Variants in CACUL1 observed in about 807,000 individuals in gnomAD.
CACUL1 encodes the protein CDK2 associated cullin domain 1, also known as CDK2-associated and cullin domain-containing protein 1.
In CACUL1, 13 loss-of-function variants were observed where a neutral mutation model predicts 45.2. The observed-to-expected ratio is 0.29, with a 90% CI of 0.19 to 0.46. CACUL1 has a LOEUF of 0.46. Ranked by LOEUF, CACUL1 falls within the 20% of genes least tolerant of loss-of-function variation. The pLI is 1.00. For missense variants in CACUL1, 421 were observed against 471.4 expected (o/e 0.89, Z 0.99); for synonymous variants, 197 against 174.2 (o/e 1.13, Z -1.03).
At chr10:118,753,256 T>C (rs974450021) in intron 1 of CACUL1, among the ~76,000 whole-genome samples, 1 of 152,260 alleles carries the variant, frequency 6.6e-6, no homozygotes, top group Non-Finnish European at 1.5e-5. Flanking sequence ...TACATATCAA[T>C]GTCTTTGACT....
intron 1 of CACUL1, among the ~76,000 whole-genome samples, chr10:118,740,936 A>T (rs187443007): frequency 1.3e-5 from 2 of 152,088 alleles, no homozygotes; most frequent in Non-Finnish European, 2.9e-5. Flanking sequence ...AAAAAAAAAA[A>T]AAACAAACAA....
chr10:118,695,402 A>G (rs1409799161), intron 5 of CACUL1, among the ~76,000 whole-genome samples, 172 bp from the exon 6 acceptor site: 10 of 152,226 alleles, frequency 6.6e-5, no homozygotes, highest in African/African-American at 2.4e-4. Context: ...AATCCACTGC[A>G]GTAGCTAAAA....
chr10:118,729,349 A>T lies in CACUL1; in HGVS notation c.543T>A (p.Ser181Arg). ...GATTAGTTATCTTTTTAATCAGATC[A>T]CTATACATCTGTTCCGAGTGCTGCT... ...VCQQHSEQMY[S>R]DLIKKITNHL... The change falls in exon 3 of 9, where the codon AGT becomes AGA. Residue 181 changes from serine (S) to arginine (R), a missense_variant. Physicochemically the swap from Ser to Arg is moderately radical, Grantham distance 110. Transcript: ENST00000369151. 6.2e-7 allele frequency: 1 copy of T among 1,613,058 alleles called. No homozygotes were observed. The highest frequency in any genetic ancestry group is 8.5e-7 in the Non-Finnish European group (1 of 1,179,874).
chr10:118,700,716 C>CAAAAAAAAAAAAAAAAAAAAAA (rs59032746), intron 5 of CACUL1, among the ~76,000 whole-genome samples: 17 of 132,916 alleles, frequency 1.3e-4, no homozygotes, highest in African/African-American at 5.4e-4. Context: ...GACTCCGTCT[C>CAAAAAAAAAAAAAAAAAAAAAA]AAAAAAAAAA....
intron 1 of CACUL1, among the ~76,000 whole-genome samples, chr10:118,737,786 C>G (rs993932221): frequency 1.3e-5 from 2 of 151,498 alleles, no homozygotes; most frequent in African/African-American, 4.9e-5. Context: ...TCTACCATTA[C>G]AACATCACAT....
chr10:118,689,253 C>T (rs1241343328), intron 7 of CACUL1, among the ~76,000 whole-genome samples: 1 of 152,136 alleles, frequency 6.6e-6, no homozygotes, highest in Non-Finnish European at 1.5e-5. Flanking sequence ...ATCACAGCTG[C>T]CAAAGGTGGC....
At chr10:118,753,142 A>G (rs1463239829) in intron 1 of CACUL1, among the ~76,000 whole-genome samples, 5 of 152,316 alleles carry the variant, frequency 3.3e-5, no homozygotes, top group Non-Finnish European at 5.9e-5. Context: ...CTGCCACTCT[A>G]CAGGAGGTCT....
intron 2 of CACUL1, 42 bp from the exon 3 acceptor site, chr10:118,729,439 A>T: frequency 7.1e-7 from 1 of 1,400,848 alleles, no homozygotes; most frequent in Non-Finnish European, 1.0e-6. Context: ...AGTTAATCAT[A>T]AAGCACTTAA....
Position 118,677,903 on chromosome 10 carries a change from CATTAG to C in CACUL1, c.*8220_*8224del, listed in dbSNP as rs1372045010. The C allele has an allele frequency of 1.3e-5, 2 of 152,202 alleles. No individual in the cohort carries two copies. Among genetic ancestry groups the C allele is most frequent in the African/African-American group, 4.8e-5 (2 of 41,450 alleles). The allele number at this position is 152,202 out of a possible 1,614,324, so 9.4% of individuals were successfully genotyped here. A position where few individuals can be genotyped will look rare whatever the true frequency, so the allele number is the denominator to read the frequency against. Reference sequence around the variant, plus strand: ...ATTAAGAGGTGCCTATGCTCAATTTCATTAGATAATACTGTTCTCCAAAGTAGAAG... The same window carrying C: ...ATTAAGAGGTGCCTATGCTCAATTTCATAATACTGTTCTCCAAAGTAGAAG... On this transcript the variant is annotated 3_prime_UTR_variant, in exon 9 of 9. Coordinates refer to ENST00000369151, the MANE Select transcript of CACUL1 (RefSeq NM_153810.5).
chr10:118,714,893 T>A (rs1845527102), intron 3 of CACUL1, among the ~76,000 whole-genome samples: 1 of 152,228 alleles, frequency 6.6e-6, no homozygotes, highest in Non-Finnish European at 1.5e-5. Flanking sequence ...CATCATTACT[T>A]ACAGACCCCC....
rs1327253654 is a variant in CACUL1 at position 118,683,827 on chromosome 10, AT to A, written c.*2300del. 3 of 152,202 alleles carry A rather than the reference AT, an allele frequency of 2.0e-5. No individual in the cohort carries two copies. Among genetic ancestry groups the A allele is most frequent in the African/African-American group, 7.2e-5 (3 of 41,460 alleles). The allele number at this position is 152,202 out of a possible 1,614,324, so 9.4% of individuals were successfully genotyped here. On this transcript the variant is annotated 3_prime_UTR_variant, in exon 9 of 9. Transcript: ENST00000369151. ...TCAGAATTTTTTAGAATCCCAATAA[AT>A]AAGCAAAGTCTATTTCAACTTAAAC...
At chr10:118,740,429 G>A (rs1242660200) in intron 1 of CACUL1, among the ~76,000 whole-genome samples, 1 of 151,900 alleles carries the variant, frequency 6.6e-6, no homozygotes, top group East Asian at 1.9e-4. Context: ...GGTCAACATG[G>A]CAAAACCCCA....
intron 6 of CACUL1, among the ~76,000 whole-genome samples, chr10:118,691,866 C>CAAAAA (rs754241223): frequency 0.014 from 1,303 of 95,286 alleles, 76 homozygotes; most frequent in African/African-American, 0.061. Context: ...GACTCCGTCT[C>CAAAAA]AAAAAAAAAA....
Position 118,686,005 on chromosome 10 carries a change from C to T in CACUL1, c.*123G>A. On this transcript the variant is annotated 3_prime_UTR_variant, in exon 9 of 9. Transcript: ENST00000369151. ...AACCAAGTAAGAAGTCCAACATCCT[C>T]TTCCATGAACAGCTTTGTGACAGAG... 1.9e-6 allele frequency: 1 copy of T among 540,188 alleles called. No individual in the cohort carries two copies. The allele number at this position is 540,188 out of a possible 1,614,324, so 33.5% of individuals were successfully genotyped here. A position where few individuals can be genotyped will look rare whatever the true frequency, so the allele number is the denominator to read the frequency against.
intron 1 of CACUL1, among the ~76,000 whole-genome samples, chr10:118,734,338 C>T (rs55963552): frequency 0.036 from 5,490 of 152,248 alleles, 147 homozygotes; most frequent in African/African-American, 0.066. Context: ...AGAGTATATA[C>T]AGACTTCCAA....
chr10:118,716,743 C>CA (rs1350192722), intron 3 of CACUL1, among the ~76,000 whole-genome samples: 1 of 151,986 alleles, frequency 6.6e-6, no homozygotes, highest in Non-Finnish European at 1.5e-5. Flanking sequence ...ACTGGGACTA[C>CA]AGGCACCCGC....
At chr10:118,731,827 T>C (rs1371074706) in intron 1 of CACUL1, among the ~76,000 whole-genome samples, 1 of 152,188 alleles carries the variant, frequency 6.6e-6, no homozygotes, top group East Asian at 1.9e-4. Flanking sequence ...ATCAAATTAC[T>C]ATGTAAATTT....
chr10:118,701,321 T>C lies in CACUL1; in HGVS notation c.781A>G (p.Ile261Val), dbSNP rs1343638735. Residue 261 changes from isoleucine (I) to valine (V), a missense_variant, in exon 5 of 9, where the codon ATT becomes GTT. Around this residue, in one of 2 missense-constraint regions of CACUL1, gnomAD observed 208 missense variants for 298.4 expected, o/e 0.70. Transcript: ENST00000369151. Reference sequence around the variant, plus strand: ...AATTACTTACGCATTAGGCTGTAAATGTGCTTTTCTGCAACATGTTCCGTA... The same window carrying C: ...AATTACTTACGCATTAGGCTGTAAACGTGCTTTTCTGCAACATGTTCCGTA... ...LFTEHVAEKHIYSLMPLLLEA... is the reference protein window; with the variant it reads ...LFTEHVAEKHVYSLMPLLLEA... 23 of 1,562,832 alleles carry C rather than the reference T, an allele frequency of 1.5e-5. No homozygotes were observed. Among genetic ancestry groups the C allele is most frequent in the Non-Finnish European group, 1.9e-5 (22 of 1,142,366 alleles).
Position 118,683,389 on chromosome 10 carries a change from C to CAAAAAAAAAAAAA in CACUL1, c.*2726_*2738dup, listed in dbSNP as rs34473974. On this transcript the variant is annotated 3_prime_UTR_variant, in exon 9 of 9. Transcript: ENST00000369151. ...ACCATATACTGTACTGGCAAGAATA[C>CAAAAAAAAAAAAA]AAAAAAAAAAAAAAAAAAGGCCAGG... The CAAAAAAAAAAAAA allele has an allele frequency of 3.8e-5, 4 of 105,702 alleles. No homozygotes were observed. Among genetic ancestry groups the CAAAAAAAAAAAAA allele is most frequent in the Admixed American group, 2.1e-4 (2 of 9,376 alleles). The allele number at this position is 105,702 out of a possible 1,614,324, so 6.5% of individuals were successfully genotyped here. A position where few individuals can be genotyped will look rare whatever the true frequency, so the allele number is the denominator to read the frequency against.
Sources: allele counts gnomAD v4.1 joint callset (sites outside exome capture counted in the v4.1 genomes callset), GRCh38; gene constraint gnomAD v4.1.1; regional missense constraint gnomAD v4.1.1; transcripts MANE v1.5; gene names NCBI Gene and HGNC (gene_info 2026-07-23, HGNC 2026-07-21).